PLTP: variants seen among roughly 807,000 people sequenced by gnomAD.
PLTP encodes phospholipid transfer protein, also known as BPI fold containing family E.
Under a neutral mutation model 54.1 loss-of-function variants are expected in PLTP, and 43 were observed. The observed-to-expected ratio is 0.79, with a 90% CI of 0.62 to 1.02. The LOEUF (loss-of-function observed/expected upper bound fraction) is 1.02, where lower values mean the gene tolerates loss of function less well. PLTP is among the 50% of genes least tolerant of loss of function. The pLI is 0.00. For synonymous variants in PLTP, 263 were observed against 264.6 expected (o/e 0.99, Z 0.06); for missense variants, 604 against 645.9 (o/e 0.94, Z 0.70).
intron 15 of PLTP, among the ~76,000 whole-genome samples, 167 bp from the exon 16 acceptor site, chr20:45,899,230 G>A (rs925397294): frequency 1.3e-5 from 2 of 152,108 alleles, no homozygotes; most frequent in Non-Finnish European, 2.9e-5. Flanking sequence ...TGTCAAGGAG[G>A]GCTTCTTGGA....
chr20:45,902,494 G>GGTGACGCTAGCA lies in PLTP; in HGVS notation c.1041_1052dup (p.Ala348_Thr351dup). On this transcript the variant is annotated inframe_insertion, in exon 11 of 16. Coordinates refer to ENST00000372431, the MANE Select transcript of PLTP (RefSeq NM_006227.4). Reference sequence around the variant, plus strand: ...GCTGGTCTGGTGGGACCAGGGCAATGGTGACGCTAGCAGTGACAGAGATGG... The same window carrying GGTGACGCTAGCA: ...GCTGGTCTGGTGGGACCAGGGCAATGGTGACGCTAGCAGTGACGCTAGCAGTGACAGAGATGG... 1.2e-6 allele frequency: 2 copies of GGTGACGCTAGCA among 1,614,244 alleles called. No individual in the cohort carries two copies. The highest frequency in any genetic ancestry group is 1.7e-6 in the Non-Finnish European group (2 of 1,180,024).
At chr20:45,908,217 T>C (rs1023628428) in intron 5 of PLTP, among the ~76,000 whole-genome samples, 2 of 152,114 alleles carry the variant, frequency 1.3e-5, no homozygotes, top group Non-Finnish European at 2.9e-5. Flanking sequence ...ATTCCTACTC[T>C]GTATTTTCCC....
rs113094570 is a variant in PLTP, at chr20:45,909,488, G to A, written c.485+28C>T. On this transcript the variant is annotated intron_variant, in intron 5 of 15. Coordinates refer to ENST00000372431, the MANE Select transcript of PLTP (RefSeq NM_006227.4). ...AGATGAGCTGTGGGGCTCGAAAAGG[G>A]TGAGCTGGGGTTGGGGCTGGGGCTT... 4.9e-3 allele frequency: 7,976 copies of A among 1,613,486 alleles called. 25 individuals carry two copies. The highest frequency in any genetic ancestry group is 6.9e-3 in the Middle Eastern group (41 of 5,962).
In PLTP at chr20:45,899,906, C is replaced by T. The variant is rs772336918; in HGVS notation, c.1176-28G>A. 4.2e-6 allele frequency: 6 copies of T among 1,435,954 alleles called. No individual in the cohort carries two copies. The African/African-American group carries it at 4.5e-5, about 11-fold the overall frequency. The allele number at this position is 1,435,954 out of a possible 1,614,324, so 89.0% of individuals were successfully genotyped here. On this transcript the variant is annotated intron_variant, in intron 12 of 15. Transcript: ENST00000372431. ...GCGGGAAAGAAAGGAGCCCTGTGGGCAGGAAGCCTGGAAGCTCCCCTTCCT... is the reference window on the plus strand; with the variant it reads ...GCGGGAAAGAAAGGAGCCCTGTGGGTAGGAAGCCTGGAAGCTCCCCTTCCT...
chr20:45,905,037 T>G lies in PLTP; in HGVS notation c.787A>C (p.Met263Leu). ...VEPQLQEEERMVYVAFSEFFF... is the reference protein window; with the variant it reads ...VEPQLQEEERLVYVAFSEFFF... ...AACTCAGAGAAGGCCACATACACCA[T>G]CCGCTCTTCCTCCTGCAGCTGGGGC... The change falls in exon 9 of 16, where the codon ATG becomes CTG. Residue 263 changes from methionine (M) to leucine (L), a missense_variant. Transcript: ENST00000372431. 1 of 1,614,058 alleles carries G rather than the reference T, an allele frequency of 6.2e-7. No homozygotes were observed.
chr20:45,907,311 G>A (rs1255975462), intron 7 of PLTP, among the ~76,000 whole-genome samples: 7 of 146,904 alleles, frequency 4.8e-5, no homozygotes, highest in South Asian at 2.1e-4. Context: ...TGGCAACAGA[G>A]TGAGACTGTA....
At position 45,899,816 on chromosome 20, in the gene PLTP, AC is replaced by A; in HGVS notation, c.1218+19del. 4 of 152,354 alleles carry A rather than the reference AC, an allele frequency of 2.6e-5. No homozygotes were observed. The highest frequency in any genetic ancestry group is 2.5e-4 in the East Asian group (1 of 4,064). 9.4% of individuals were successfully genotyped at this position (152,354 alleles called of 1,614,324 possible). On this transcript the variant is annotated intron_variant, in intron 13 of 15. Coordinates refer to ENST00000372431, the MANE Select transcript of PLTP (RefSeq NM_006227.4). ...GGATCTCACGAACCCAGCCCAGCCC[AC>A]CCACCCTTCCCCACTCACAGCCAGC...
chr20:45,900,230 G>T (rs11569660), intron 12 of PLTP, among the ~76,000 whole-genome samples: 1 of 146,906 alleles, frequency 6.8e-6, no homozygotes, highest in Non-Finnish European at 1.5e-5. Flanking sequence ...TCAGCCTCCC[G>T]AGTAACTGGG....
At chr20:45,907,357 AAG>A (rs1470561751) in intron 7 of PLTP, among the ~76,000 whole-genome samples, 2 of 151,876 alleles carry the variant, frequency 1.3e-5, no homozygotes, top group Non-Finnish European at 2.9e-5. Flanking sequence ...AAGAAAGAAA[AAG>A]AAAAAGGGAA....
intron 12 of PLTP, among the ~76,000 whole-genome samples, chr20:45,901,900 A>C (rs1270709869): frequency 5.3e-5 from 1 of 18,806 alleles, no homozygotes. Context: ...ACTCCTTCTC[A>C]AAAAAAAAAA....
At position 45,910,957 on chromosome 20, in the gene PLTP, T is replaced by C. The variant is rs532934848; in HGVS notation, c.200+195A>G. On this transcript the variant is annotated intron_variant, in intron 3 of 15. Transcript: ENST00000372431. ...CTACATTTTCAAGGCCACGCCCATC[T>C]GCCTGGTCCCGCCTATGATGACTGG... 8,896 of 1,460,652 alleles carry C rather than the reference T, an allele frequency of 6.1e-3. 42 individuals carry two copies. Among genetic ancestry groups the C allele is most frequent in the Non-Finnish European group, 7.7e-3 (8,507 of 1,108,064 alleles). The allele number at this position is 1,460,652 out of a possible 1,614,324, so 90.5% of individuals were successfully genotyped here.
intron 12 of PLTP, among the ~76,000 whole-genome samples, chr20:45,900,437 G>A (rs539787783): frequency 6.6e-6 from 1 of 152,012 alleles, no homozygotes; most frequent in African/African-American, 2.4e-5. Flanking sequence ...CCAGACTTCT[G>A]CTGGTAGCTT....
At chr20:45,905,329 G>T (rs1454388378) in intron 8 of PLTP, among the ~76,000 whole-genome samples, 7 of 152,232 alleles carry the variant, frequency 4.6e-5, no homozygotes, top group Non-Finnish European at 1.0e-4. Context: ...GGAGGAGGGA[G>T]GGTCAGGAAA....
rs776367167 is a variant in PLTP, at chr20:45,899,463, G to A, written c.1358C>T (p.Ala453Val). The change falls in exon 15 of 16, where the codon GCG (alanine) becomes GTG (valine). Residue 453 changes from alanine (A) to valine (V), a missense_variant and splice_region_variant. Coordinates refer to ENST00000372431, the MANE Select transcript of PLTP (RefSeq NM_006227.4). The stretch of plus-strand genomic sequence containing the variant: ...CTTCCCCATCCTGCCCCCACTCACC[G>A]CATGGTTCGTCACCACCTCATGCAC... ...NFVHEVVTNH[A>V]GFLTIGADLH... 15 of 1,613,866 alleles carry A rather than the reference G, an allele frequency of 9.3e-6. No homozygotes were observed. The highest frequency in any genetic ancestry group is 2.2e-5 in the South Asian group (2 of 91,082).
intron 15 of PLTP, 59 bp downstream of exon 15, chr20:45,899,403 T>TG (rs2083151915): frequency 1.3e-6 from 2 of 1,563,018 alleles, no homozygotes; most frequent in African/African-American, 2.7e-5. Flanking sequence ...TGGAGGGCAC[T>TG]GGGGAGCTAT....
chr20:45,899,806 A>AGGGCCC, intron 13 of PLTP, 30 bp downstream of exon 13: 4 of 1,303,170 alleles, frequency 3.1e-6, no homozygotes, highest in Non-Finnish European at 4.3e-6. Context: ...TCACGAACCC[A>AGGGCCC]GCCCAGCCCA....
chr20:45,902,077 C>T (rs2083190155), intron 12 of PLTP, among the ~76,000 whole-genome samples, 190 bp downstream of exon 12: 1 of 152,190 alleles, frequency 6.6e-6, no homozygotes, highest in Non-Finnish European at 1.5e-5. Flanking sequence ...AATACCTGCC[C>T]TGCCTGCCTC....
At position 45,909,111 on chromosome 20, in the gene PLTP, C is replaced by T. The variant is rs1054545825; in HGVS notation, c.485+405G>A. Among the ~76,000 whole-genome samples, 37 of 151,858 alleles carry T rather than the reference C, an allele frequency of 2.4e-4. 1 individual carries two copies. Among genetic ancestry groups the T allele is most frequent in the South Asian group, 4.2e-4 (2 of 4,792 alleles). Reference sequence around the variant, plus strand: ...TCCCACGTAGCTGGGACTACAGGCACGTGCCACCACGCCCAGCTAATTTTT... The same window carrying T: ...TCCCACGTAGCTGGGACTACAGGCATGTGCCACCACGCCCAGCTAATTTTT... On this transcript the variant is annotated intron_variant, in intron 5 of 15. Coordinates refer to ENST00000372431, the MANE Select transcript of PLTP (RefSeq NM_006227.4).
intron 15 of PLTP, 109 bp downstream of exon 15, chr20:45,899,353 G>T: frequency 8.3e-7 from 1 of 1,200,820 alleles, no homozygotes; most frequent in Non-Finnish European, 1.2e-6. Context: ...AGATTAAAAT[G>T]GGAGGGGCGA....
Sources: gnomAD v4.1 joint callset for allele counts (sites outside exome capture counted in the v4.1 genomes callset) on GRCh38, gnomAD v4.1.1 for gene constraint, MANE v1.5 for transcripts, NCBI Gene and HGNC (gene_info 2026-07-23, HGNC 2026-07-21) for gene names.